NCOR1: variants seen among roughly 807,000 people sequenced by gnomAD.
The protein encoded by NCOR1 is nuclear receptor corepressor 1, also known as protein phosphatase 1, regulatory subunit 109.
A neutral mutation model predicts 288.1 loss-of-function variants in NCOR1; 63 were observed. The observed-to-expected ratio is 0.22, with a 90% confidence interval of 0.18 to 0.27. The LOEUF (loss-of-function observed/expected upper bound fraction) is 0.27. Among genes scored for constraint, NCOR1 ranks in the 10% least tolerant of loss-of-function variants. The pLI, the probability that NCOR1 is intolerant of heterozygous loss-of-function variation, is 1.00. For missense variants in NCOR1, 2,397 were observed against 3,019.2 expected (o/e 0.79, Z 4.83); for synonymous variants, 1,007 against 1,065.9 (o/e 0.94, Z 1.08).
At chr17:16,088,576 T>C (rs2064627826) in intron 22 of NCOR1, among the ~76,000 whole-genome samples, 1 of 152,194 alleles carries the variant, frequency 6.6e-6, no homozygotes, top group South Asian at 2.1e-4. Flanking sequence ...CTAAACCTCT[T>C]ATTTCCTTAC....
chr17:16,175,756 C>T (rs1379880845), intron 3 of NCOR1, among the ~76,000 whole-genome samples: 2 of 151,236 alleles, frequency 1.3e-5, no homozygotes, highest in Non-Finnish European at 2.9e-5. Context: ...CAATGCCATG[C>T]GCCTGTAATC....
At chr17:16,092,692 TATA>T (rs1276728320) in intron 21 of NCOR1, among the ~76,000 whole-genome samples, 64 of 10,114 alleles carry the variant, frequency 6.3e-3, no homozygotes, top group South Asian at 0.018. Context: ...TATATATATA[TATA>T]TTTTTTTTTT....
chr17:16,035,619 C>T (rs1452626192), intron 44 of NCOR1, among the ~76,000 whole-genome samples: 1 of 150,048 alleles, frequency 6.7e-6, no homozygotes, highest in Non-Finnish European at 1.5e-5. Context: ...TACCAGCTCA[C>T]TAAAGCCTCA....
chr17:16,075,584 T>C lies in NCOR1; in HGVS notation c.3620A>G (p.Lys1207Arg), dbSNP rs1238901161. The C allele has an allele frequency of 6.2e-7, 1 of 1,614,244 alleles. No homozygotes were observed. Residue 1207 changes from lysine (K) to arginine (R), a missense_variant, in exon 27 of 46, where the codon AAA (lysine) becomes AGA (arginine). Lys to Arg is a conservative substitution (Grantham distance 26). Transcript: ENST00000268712. Reference protein sequence around the residue: ...PEKGREEAASKGHVIYEGKSG... With the variant: ...PEKGREEAASRGHVIYEGKSG... Reference sequence around the variant, plus strand: ...TTTGCCTTCATAAATAACATGGCCTTTGGATGCAGCTTCCTCTCTGCCTTT... The same window carrying C: ...TTTGCCTTCATAAATAACATGGCCTCTGGATGCAGCTTCCTCTCTGCCTTT...
intron 4 of NCOR1, among the ~76,000 whole-genome samples, chr17:16,169,682 T>C (rs1805291302): frequency 6.6e-6 from 1 of 152,184 alleles, no homozygotes; most frequent in Admixed American, 6.5e-5. Context: ...GTTTCTCAAC[T>C]ATAACATGGA....
intron 42 of NCOR1, among the ~76,000 whole-genome samples, chr17:16,042,584 G>A (rs1170493489): frequency 6.6e-6 from 1 of 152,158 alleles, no homozygotes; most frequent in African/African-American, 2.4e-5. Flanking sequence ...CAGGTGACTG[G>A]TACCTACTGT....
At chr17:16,075,472 C>A in intron 27 of NCOR1, 62 bp downstream of exon 27, 1 of 1,553,012 alleles carries the variant, frequency 6.4e-7, no homozygotes, top group Non-Finnish European at 8.8e-7. Context: ...GCGGGAAAAC[C>A]CAAGCCTATG....
intron 2 of NCOR1, among the ~76,000 whole-genome samples, chr17:16,193,147 T>C (rs1374286095): frequency 1.3e-5 from 2 of 152,194 alleles, no homozygotes; most frequent in Admixed American, 1.3e-4. Context: ...TTTATGACTT[T>C]GTCAAAATTT....
chr17:16,101,238 A>T lies in NCOR1; in HGVS notation c.2690+12T>A. 1 of 1,564,818 alleles carries T rather than the reference A, an allele frequency of 6.4e-7. No homozygotes were observed. On this transcript the variant is annotated intron_variant, in intron 20 of 45. Coordinates refer to ENST00000268712, the MANE Select transcript of NCOR1 (RefSeq NM_006311.4). ...GAGTAAGCACGGGGAGGACTTATGG[A>T]ACGAGCCTCACCTCTGCCTCTCTGG...
At position 16,108,803 on chromosome 17, in the gene NCOR1, T is replaced by A. The variant is rs755392936; in HGVS notation, c.2165A>T (p.Asn722Ile). ...EDIEASNEEE[N>I]PEDSEVEAVK... is the part of the protein sequence containing the mutation. The stretch of plus-strand genomic sequence containing the variant: ...TGAGATACCTTCGCTGTCTTCTGGA[T>A]TTTCTTCTTCATTGGAGGCTTCAAT... Residue 722 changes from asparagine (N) to isoleucine (I), a missense_variant, in exon 19 of 46, where the codon AAT becomes ATT. Physicochemically the swap from Asn to Ile is moderately radical, Grantham distance 149. Coordinates refer to ENST00000268712, the MANE Select transcript of NCOR1 (RefSeq NM_006311.4). 8 of 1,600,094 alleles carry A rather than the reference T, an allele frequency of 5.0e-6. No individual in the cohort carries two copies. Among genetic ancestry groups the A allele is most frequent in the Non-Finnish European group, 6.8e-6 (8 of 1,173,840 alleles).
chr17:16,209,670 G>A (rs1600627713), intron 1 of NCOR1, among the ~76,000 whole-genome samples: 3 of 150,448 alleles, frequency 2.0e-5, no homozygotes, highest in South Asian at 4.2e-4. Flanking sequence ...GAATACACTC[G>A]GCCAAGTGCG....
At chr17:16,080,564 T>C (rs201090771) in intron 24 of NCOR1, 43 bp downstream of exon 24, 5 of 1,614,128 alleles carry the variant, frequency 3.1e-6, no homozygotes, top group Non-Finnish European at 3.4e-6. Context: ...CTGGCTGTGA[T>C]GCTACAAACG....
intron 31 of NCOR1, among the ~76,000 whole-genome samples, chr17:16,069,217 G>A (rs538818402): frequency 4.6e-5 from 7 of 152,188 alleles, no homozygotes; most frequent in African/African-American, 1.4e-4. Flanking sequence ...AATCACACTG[G>A]TTTATCACAT....
At chr17:16,210,365 C>G (rs1273736200) in intron 1 of NCOR1, among the ~76,000 whole-genome samples, 2 of 152,104 alleles carry the variant, frequency 1.3e-5, no homozygotes, top group Non-Finnish European at 2.9e-5. Flanking sequence ...GCCTGGGCAA[C>G]AAGAGTGAAA....
chr17:16,142,407 A>T, intron 11 of NCOR1, among the ~76,000 whole-genome samples: 1 of 152,174 alleles, frequency 6.6e-6, no homozygotes, highest in Non-Finnish European at 1.5e-5. Flanking sequence ...TCAAATAAAC[A>T]AGACTCTCAG....
intron 10 of NCOR1, 144 bp from the exon 11 acceptor site, chr17:16,143,840 T>C (rs919310960): frequency 3.5e-6 from 2 of 570,860 alleles, no homozygotes; most frequent in Non-Finnish European, 6.2e-6. Flanking sequence ...AGTATATACT[T>C]TTAAGTAATA....
chr17:16,114,728 G>T (rs965768959), intron 18 of NCOR1, among the ~76,000 whole-genome samples: 1 of 152,336 alleles, frequency 6.6e-6, no homozygotes, highest in African/African-American at 2.4e-5. Context: ...TCGTGCTGAT[G>T]CAAGAGGTGG....
At chr17:16,208,189 T>TG (rs1379962298) in intron 1 of NCOR1, among the ~76,000 whole-genome samples, 1 of 144,936 alleles carries the variant, frequency 6.9e-6, no homozygotes, top group African/African-American at 2.5e-5. Context: ...TACAGGCGCG[T>TG]GCCACCATGC....
intron 35 of NCOR1, among the ~76,000 whole-genome samples, chr17:16,063,440 C>A (rs903035600): frequency 1.1e-4 from 16 of 152,228 alleles, no homozygotes; most frequent in African/African-American, 3.6e-4. Flanking sequence ...GCCTTGGCCT[C>A]CTGAGTAGCT....
Sources: gnomAD v4.1 joint callset for allele counts (sites outside exome capture counted in the v4.1 genomes callset) on GRCh38, gnomAD v4.1.1 for gene constraint, MANE v1.5 for transcripts, NCBI Gene and HGNC (gene_info 2026-07-23, HGNC 2026-07-21) for gene names.